The following AKR1C3 variants were observed in gnomAD, a reference collection of about 807,000 sequenced individuals.
The protein encoded by AKR1C3 is 3-alpha hydroxysteroid dehydrogenase, type II.
AKR1C3 carries 48 observed loss-of-function variants against 43.6 expected under a neutral mutation model. That is an observed-to-expected ratio of 1.10 (90% CI 0.87 to 1.40). The LOEUF (loss-of-function observed/expected upper bound fraction) is 1.40, where lower values mean the gene tolerates loss of function less well. Among genes scored for constraint, AKR1C3 ranks in the 40% most tolerant of loss-of-function variants. AKR1C3 has a pLI of 0.00. For missense variants in AKR1C3, 482 were observed against 391.2 expected (o/e 1.23, Z -1.96); for synonymous variants, 162 against 139.6 (o/e 1.16, Z -1.13).
intron 1 of AKR1C3, among the ~76,000 whole-genome samples, chr10:5,063,791 G>GAAAAAAAAAAAAAAAAAAAAAAAAA (rs1554780518): frequency 3.2e-3 from 230 of 72,720 alleles, no homozygotes; most frequent in Non-Finnish European, 4.1e-3. Flanking sequence ...AAAAAAAAAG[G>GAAAAAAAAAAAAAAAAAAAAAAAAA]AAAATGGCAC....
chr10:5,100,102 G>A (rs1318870669), intron 5 of AKR1C3, among the ~76,000 whole-genome samples: 1 of 152,136 alleles, frequency 6.6e-6, no homozygotes, highest in Non-Finnish European at 1.5e-5. Flanking sequence ...AGACCAGCCT[G>A]ACCAACATGG....
chr10:5,095,258 CTAAG>C (rs1387284831), intron 1 of AKR1C3, among the ~76,000 whole-genome samples: 3 of 152,030 alleles, frequency 2.0e-5, no homozygotes, highest in Non-Finnish European at 4.4e-5. Context: ...CCTCAGGCTA[CTAAG>C]TGTGTGAATA....
intron 1 of AKR1C3, among the ~76,000 whole-genome samples, chr10:5,057,499 CA>C (rs143956959): frequency 0.28 from 42,013 of 151,904 alleles, 5,938 homozygotes; most frequent in East Asian, 0.39. Context: ...CTTTTAGAAT[CA>C]ATTGACCCTC....
At chr10:5,050,539 G>A (rs1838132978) in intron 1 of AKR1C3, among the ~76,000 whole-genome samples, 1 of 151,334 alleles carries the variant, frequency 6.6e-6, no homozygotes, top group Non-Finnish European at 1.5e-5. Context: ...ATGAGATAAT[G>A]TGTGAAAAAC....
intron 1 of AKR1C3, among the ~76,000 whole-genome samples, chr10:5,057,295 T>C (rs1391316181): frequency 6.6e-6 from 1 of 152,216 alleles, no homozygotes; most frequent in Non-Finnish European, 1.5e-5. Context: ...CAAGGTTTGT[T>C]TGTCTGAGGG....
chr10:5,105,615 T>G lies in AKR1C3; in HGVS notation c.867T>G (p.Thr289=), dbSNP rs1554787042. ...GATAGGTTTTTGAGTTCCAGTTGAC[T>G]GCAGAGGACATGAAAGCCATAGATG... ...QNVQVFEFQL[T]AEDMKAIDGL... is the part of the protein sequence containing the mutation. The change falls in exon 8 of 9, where the codon ACT becomes ACG. Residue 289 remains threonine, a synonymous_variant. Coordinates refer to ENST00000380554, the MANE Select transcript of AKR1C3 (RefSeq NM_003739.6). 4 of 1,614,058 alleles carry G rather than the reference T, an allele frequency of 2.5e-6. No homozygotes were observed. In the South Asian group the frequency reaches 4.4e-5, roughly 18 times the overall value.
chr10:5,080,988 G>A (rs545535417), intron 1 of AKR1C3: 29 of 151,758 alleles, frequency 1.9e-4, no homozygotes, highest in African/African-American at 5.8e-4. Flanking sequence ...GCTGAGGAGT[G>A]GGGGGGTTAC....
intron 1 of AKR1C3, among the ~76,000 whole-genome samples, chr10:5,061,624 C>G (rs1838385349): frequency 6.6e-6 from 1 of 152,182 alleles, no homozygotes. Flanking sequence ...CTCCACAATC[C>G]TTCAAGAAAC....
chr10:5,092,827 C>T (rs1439385492), upstream of AKR1C3, among the ~76,000 whole-genome samples: 4 of 151,884 alleles, frequency 2.6e-5, no homozygotes, highest in Non-Finnish European at 2.9e-5. Flanking sequence ...AACTCGTTTT[C>T]TTTCTTATAA....
At position 5,068,520 on chromosome 10, in the gene AKR1C3, A is replaced by C. The variant is rs1292359488; in HGVS notation, c.84+19625A>C. On this transcript the variant is annotated intron_variant, in intron 1 of 8. Coordinates refer to the AKR1C3 transcript ENST00000439082. ...TTATAACCTTTTACCAAAAAAAAAA[A>C]AAAAACACATTTTACTATTCTTACA... Among the ~76,000 whole-genome samples, 3 of 91,860 alleles carry C rather than the reference A, an allele frequency of 3.3e-5. No individual in the cohort carries two copies. The Admixed American group carries it at 3.4e-4, about 10-fold the overall frequency. 60.3% of individuals were successfully genotyped at this position (91,860 alleles called of 152,430 possible). A position where few individuals can be genotyped will look rare whatever the true frequency, so the allele number is the denominator to read the frequency against.
chr10:5,076,569 A>G (rs1414748039), intron 1 of AKR1C3, among the ~76,000 whole-genome samples: 1 of 152,148 alleles, frequency 6.6e-6, no homozygotes, highest in Non-Finnish European at 1.5e-5. Flanking sequence ...ATCCGGCTTC[A>G]TCTACATTTT....
intron 5 of AKR1C3, 110 bp from the exon 6 acceptor site, chr10:5,101,991 T>C (rs1438180818): frequency 5.9e-6 from 4 of 678,258 alleles, no homozygotes; most frequent in East Asian, 5.5e-5. Flanking sequence ...TATCCTCAGC[T>C]CAAATATAAT....
At chr10:5,107,424 G>C (rs782704032) in intron 8 of AKR1C3, 37 bp from the exon 9 acceptor site, 2 of 1,405,630 alleles carry the variant, frequency 1.4e-6, no homozygotes, top group African/African-American at 2.8e-5. Context: ...TAGTAATGGA[G>C]TCATTGCATT....
At chr10:5,107,383 C>T (rs2131857369) in intron 8 of AKR1C3, 78 bp from the exon 9 acceptor site, 1 of 1,035,782 alleles carries the variant, frequency 9.7e-7, no homozygotes, top group East Asian at 2.5e-5. Context: ...ATACTAATGA[C>T]AGCTTCATTG....
rs1554786246 is a variant in AKR1C3 at position 5,102,519 on chromosome 10, C to T, written c.715C>T (p.Pro239Ser). The change falls in exon 7 of 9, where the codon CCA becomes TCA. Residue 239 changes from proline (P) to serine (S), a missense_variant. Transcript: ENST00000380554. ...GAACTCCCCGGTGCTCTTGGAGGAC[C>T]CAGTCCTTTGTGCCTTGGCAAAAAA... The part of the protein sequence containing the change: ...DPNSPVLLED[P>S]VLCALAKKHK... 6.4e-7 allele frequency: 1 copy of T among 1,574,718 alleles called. No homozygotes were observed. The highest frequency in any genetic ancestry group is 2.2e-5 in the East Asian group (1 of 44,456).
upstream of AKR1C3, chr10:5,094,324 T>A: frequency 2.8e-6 from 3 of 1,079,588 alleles, no homozygotes; most frequent in South Asian, 1.3e-5. Context: ...TCCTCCTACA[T>A]GCCATTGGTT....
chr10:5,050,928 A>G (rs1838140234), intron 1 of AKR1C3, among the ~76,000 whole-genome samples: 1 of 152,180 alleles, frequency 6.6e-6, no homozygotes, highest in African/African-American at 2.4e-5. Context: ...ACTCAAAATT[A>G]TTTATTAGTG....
upstream of AKR1C3, among the ~76,000 whole-genome samples, chr10:5,091,505 CTCA>C (rs550637175): frequency 6.6e-6 from 1 of 152,074 alleles, no homozygotes; most frequent in Non-Finnish European, 1.5e-5. Context: ...CCTTCATATC[CTCA>C]TATCCTTAAT....
intron 1 of AKR1C3, among the ~76,000 whole-genome samples, chr10:5,078,131 AAAT>A (rs1214544129): frequency 4.6e-5 from 7 of 152,234 alleles, no homozygotes; most frequent in African/African-American, 1.2e-4. Context: ...AGTGATTCAA[AAAT>A]AATAATAAGT....
Sources: allele counts gnomAD v4.1 joint callset (sites outside exome capture counted in the v4.1 genomes callset), GRCh38; gene constraint gnomAD v4.1.1; transcripts MANE v1.5; gene names NCBI Gene and HGNC (gene_info 2026-07-23, HGNC 2026-07-21).